The following SLIT2 variants were observed in gnomAD, a reference collection of about 807,000 sequenced individuals.
The protein encoded by SLIT2 is slit homolog 2 protein.
A neutral mutation model predicts 185.7 loss-of-function variants in SLIT2; 41 were observed. That is an observed-to-expected ratio of 0.22 (90% CI 0.17 to 0.29). The LOEUF is 0.29. Ranked by LOEUF, SLIT2 falls within the 10% of genes least tolerant of loss-of-function variation. The probability of loss-of-function intolerance (pLI) is 1.00; values close to 1 mark genes in which losing one functional copy is unlikely to be tolerated. For synonymous variants in SLIT2, 693 were observed against 680.2 expected, an observed-to-expected ratio of 1.02 and a Z score of -0.29; for missense variants, 1,571 against 1,909.0, an observed-to-expected ratio of 0.82 and a Z score of 3.30.
intron 9 of SLIT2, among the ~76,000 whole-genome samples, chr4:20,499,460 A>T (rs186964774): frequency 6.6e-6 from 1 of 152,088 alleles, no homozygotes; most frequent in Non-Finnish European, 1.5e-5. Context: ...TTGAATCCAC[A>T]TATTTCAAAG....
intron 26 of SLIT2, among the ~76,000 whole-genome samples, chr4:20,557,802 A>C (rs769561374): frequency 2.0e-5 from 3 of 152,106 alleles, no homozygotes; most frequent in Non-Finnish European, 4.4e-5. Context: ...GATGACATTA[A>C]GAACATTTGT....
At chr4:20,343,860 T>G (rs1378218520) in intron 4 of SLIT2, among the ~76,000 whole-genome samples, 3 of 151,470 alleles carry the variant, frequency 2.0e-5, no homozygotes, top group Non-Finnish European at 2.9e-5. Flanking sequence ...ATTATTAGTA[T>G]TATTTTTTTG....
chr4:20,386,100 T>A (rs1724917459), intron 4 of SLIT2, among the ~76,000 whole-genome samples: 1 of 152,202 alleles, frequency 6.6e-6, no homozygotes. Flanking sequence ...GATATATGTA[T>A]AAGTGTATAA....
In SLIT2 at chr4:20,291,476, ATATATATATATATATATTTTTTTT is replaced by A. The variant is rs1184287187; in HGVS notation, c.395+22597_395+22620del. On this transcript the variant is annotated intron_variant, in intron 4 of 36. Transcript: ENST00000504154. ...TATATATATATATATATATATATAT[ATATATATATATATATATTTTTTTT>A]TTTTTTTTTTTTTTTTTTTTTTTAC... is the stretch of plus-strand genomic sequence containing the variant. 4.6e-3 allele frequency among the ~76,000 whole-genome samples: 71 copies of A among 15,300 alleles called. No individual in the cohort carries two copies. In the East Asian group the frequency reaches 0.077, roughly 17 times the overall value. 10.0% of individuals were successfully genotyped at this position (15,300 alleles called of 152,430 possible).
At chr4:20,489,097 A>C in intron 8 of SLIT2, 115 bp downstream of exon 8, 4 of 723,316 alleles carry the variant, frequency 5.5e-6, no homozygotes, top group Non-Finnish European at 9.0e-6. Context: ...TCAATTGTGC[A>C]CTAATCACTC....
intron 4 of SLIT2, among the ~76,000 whole-genome samples, chr4:20,365,985 A>G (rs996866500): frequency 2.6e-5 from 4 of 152,166 alleles, no homozygotes; most frequent in African/African-American, 9.6e-5. Context: ...TTTCAGTGAC[A>G]AGCGTCAAAA....
intron 34 of SLIT2, among the ~76,000 whole-genome samples, chr4:20,613,846 C>G (rs1729434371): frequency 6.6e-6 from 1 of 152,062 alleles, no homozygotes; most frequent in Non-Finnish European, 1.5e-5. Context: ...TATCAACTAC[C>G]CATGATATGT....
chr4:20,567,016 T>A (rs549645707), intron 26 of SLIT2, among the ~76,000 whole-genome samples: 43 of 151,932 alleles, frequency 2.8e-4, no homozygotes, highest in Non-Finnish European at 4.9e-4. Flanking sequence ...TAACATCAGA[T>A]ACCAACTCAG....
At chr4:20,270,628 G>A (rs1430720098) in intron 4 of SLIT2, among the ~76,000 whole-genome samples, 1 of 151,880 alleles carries the variant, frequency 6.6e-6, no homozygotes, top group Non-Finnish European at 1.5e-5. Flanking sequence ...TGGCTCAAAG[G>A]ATTTGTCCTG....
intron 4 of SLIT2, among the ~76,000 whole-genome samples, chr4:20,315,736 T>G (rs1281842337): frequency 6.6e-6 from 1 of 152,084 alleles, no homozygotes; most frequent in African/African-American, 2.4e-5. Context: ...AGTACAGAGT[T>G]CTGCTGGAAC....
At chr4:20,516,654 C>A (rs1720247202) in intron 11 of SLIT2, among the ~76,000 whole-genome samples, 1 of 152,142 alleles carries the variant, frequency 6.6e-6, no homozygotes, top group Admixed American at 6.5e-5. Context: ...CATCCAACTT[C>A]TCTATCCTGG....
rs370879514 is a variant in SLIT2, at chr4:20,253,932, G to A, written c.117G>A (p.Val39=). The change falls in exon 1 of 37, where the codon GTG becomes GTA. Residue 39 remains valine, a synonymous_variant. Transcript: ENST00000504154. ...PAQCSCSGST[V]DCHGLALRSV... The stretch of plus-strand genomic sequence containing the variant: ...AGTGCTCTTGCTCGGGCAGCACAGT[G>A]GACTGTCACGGGCTGGCGCTGCGCA... The A allele has an allele frequency of 1.2e-6, 2 of 1,602,694 alleles. No homozygotes were observed. The highest frequency in any genetic ancestry group is 1.7e-6 in the Non-Finnish European group (2 of 1,179,926).
At chr4:20,364,498 A>T (rs957407685) in intron 4 of SLIT2, among the ~76,000 whole-genome samples, 1 of 152,106 alleles carries the variant, frequency 6.6e-6, no homozygotes, top group Non-Finnish European at 1.5e-5. Context: ...ATACTCTAAT[A>T]GTTTGTTTTC....
chr4:20,527,185 A>G (rs1399355398), intron 15 of SLIT2, among the ~76,000 whole-genome samples: 2 of 152,186 alleles, frequency 1.3e-5, no homozygotes, highest in African/African-American at 4.8e-5. Context: ...GAGGATCTCC[A>G]TGATTAGTTT....
intron 9 of SLIT2, among the ~76,000 whole-genome samples, chr4:20,501,458 C>T (rs556701951): frequency 6.6e-6 from 1 of 151,836 alleles, no homozygotes; most frequent in Non-Finnish European, 1.5e-5. Context: ...GCTTTTTTGT[C>T]TTTTGGGTAG....
chr4:20,451,866 C>T (rs993798651), intron 4 of SLIT2, among the ~76,000 whole-genome samples: 2 of 152,082 alleles, frequency 1.3e-5, no homozygotes, highest in African/African-American at 4.8e-5. Flanking sequence ...CAGTTCTCCA[C>T]CAATTTATAT....
chr4:20,479,296 A>G (rs1003590128), intron 5 of SLIT2, among the ~76,000 whole-genome samples: 6 of 152,192 alleles, frequency 3.9e-5, no homozygotes, highest in African/African-American at 1.4e-4. Context: ...AAGTCACTGG[A>G]TTAAATCATT....
chr4:20,320,955 G>A (rs1269322175), intron 4 of SLIT2, among the ~76,000 whole-genome samples: 1 of 152,110 alleles, frequency 6.6e-6, no homozygotes, highest in Non-Finnish European at 1.5e-5. Context: ...CTTGAGGCCA[G>A]GAATTCAAGA....
At position 20,456,347 on chromosome 4, in the gene SLIT2, T is replaced by C. The variant is rs528316767; in HGVS notation, c.396-11405T>C. 2.6e-5 allele frequency among the ~76,000 whole-genome samples: 4 copies of C among 152,238 alleles called. No individual in the cohort carries two copies. The East Asian group carries it at 7.7e-4, about 29-fold the overall frequency. ...CCAGCAATGTCACCCATAACCTTTG[T>C]CTCTTCTTTCCATTGTGGTCTCCTT... On this transcript the variant is annotated intron_variant, in intron 4 of 36. Coordinates refer to ENST00000504154, the MANE Select transcript of SLIT2 (RefSeq NM_004787.4).
Sources: gnomAD v4.1 joint callset for allele counts (sites outside exome capture counted in the v4.1 genomes callset) on GRCh38, gnomAD v4.1.1 for gene constraint, MANE v1.5 for transcripts, NCBI Gene and HGNC (gene_info 2026-07-23, HGNC 2026-07-21) for gene names.